IL6R: variants seen among roughly 807,000 people sequenced by gnomAD.
The protein encoded by IL6R is interleukin 6 receptor, also known as interleukin-6 receptor subunit alpha.
A neutral mutation model predicts 48.3 loss-of-function variants in IL6R; 38 were observed. The observed-to-expected ratio is 0.79, with a 90% CI of 0.61 to 1.03. IL6R has a LOEUF of 1.03. Ranked by LOEUF, IL6R falls within the 50% of genes least tolerant of loss-of-function variation. The pLI is 0.00. For synonymous variants in IL6R, 264 were observed against 256.2 expected, an observed-to-expected ratio of 1.03 and a Z score of -0.29; for missense variants, 534 against 618.3, an observed-to-expected ratio of 0.86 and a Z score of 1.45.
rs370879716 is a variant in IL6R, at chr1:154,419,277, T to C, written c.86-9919T>C. Reference sequence around the variant, plus strand: ...TAAGTGTCCCAGTTGCTAATGATTGTTATGGTTATTATCACATCAAAGCCA... The same window carrying C: ...TAAGTGTCCCAGTTGCTAATGATTGCTATGGTTATTATCACATCAAAGCCA... On this transcript the variant is annotated intron_variant, in intron 1 of 9. Transcript: ENST00000368485. Among the ~76,000 whole-genome samples, 200 of 152,248 alleles carry C rather than the reference T, an allele frequency of 1.3e-3. 2 individuals are homozygous for C. In the South Asian group the frequency reaches 0.014, roughly 11 times the overall value.
At chr1:154,461,748 C>T (rs549206668) in intron 9 of IL6R, among the ~76,000 whole-genome samples, 3 of 152,226 alleles carry the variant, frequency 2.0e-5, no homozygotes, top group African/African-American at 7.2e-5. Context: ...CTAGGTAATC[C>T]TCTGCCCACA....
chr1:154,443,256 G>A (rs914946150), intron 6 of IL6R, among the ~76,000 whole-genome samples: 3 of 152,190 alleles, frequency 2.0e-5, no homozygotes, highest in Non-Finnish European at 4.4e-5. Flanking sequence ...AGGACTGGGC[G>A]GTCAGTGCCT....
intron 8 of IL6R, among the ~76,000 whole-genome samples, chr1:154,451,151 A>T (rs1690557568): frequency 6.6e-6 from 1 of 152,220 alleles, no homozygotes; most frequent in Non-Finnish European, 1.5e-5. Context: ...CAGTCACAGA[A>T]AGCTCATGGA....
chr1:154,428,751 G>A (rs75204606), intron 1 of IL6R, among the ~76,000 whole-genome samples: 2,009 of 152,280 alleles, frequency 0.013, 54 homozygotes, highest in African/African-American at 0.046. Flanking sequence ...CGATGTTTAG[G>A]CCGAGACCTG....
Position 154,465,628 on chromosome 1 carries a change from T to C in IL6R, c.*248T>C. On this transcript the variant is annotated 3_prime_UTR_variant, in exon 10 of 10. Transcript: ENST00000368485. ...AGGGGCTAGAGTGAACTTGGGCCACTGTGAAGAGAACCATATCAAGACTCT... is the reference window on the plus strand; with the variant it reads ...AGGGGCTAGAGTGAACTTGGGCCACCGTGAAGAGAACCATATCAAGACTCT... The C allele has an allele frequency of 1.9e-6, 1 of 534,554 alleles. No homozygotes were observed. 33.1% of individuals were successfully genotyped at this position (534,554 alleles called of 1,614,324 possible). A position where few individuals can be genotyped will look rare whatever the true frequency, so the allele number is the denominator to read the frequency against.
intron 1 of IL6R, among the ~76,000 whole-genome samples, chr1:154,419,629 TGAG>T (rs969498041): frequency 6.6e-6 from 1 of 151,486 alleles, no homozygotes; most frequent in Non-Finnish European, 1.5e-5. Context: ...ACTGGGGTGG[TGAG>T]ATGGGATTAG....
At position 154,405,582 on chromosome 1, in the gene IL6R, A is replaced by G; in HGVS notation, c.-48A>G. The G allele has an allele frequency of 7.1e-7, 1 of 1,404,720 alleles. No homozygotes were observed. Among genetic ancestry groups the G allele is most frequent in the Non-Finnish European group, 9.4e-7 (1 of 1,062,996 alleles). 87.0% of individuals were successfully genotyped at this position (1,404,720 alleles called of 1,614,324 possible). On this transcript the variant is annotated 5_prime_UTR_variant, in exon 1 of 10. Coordinates refer to ENST00000368485, the MANE Select transcript of IL6R (RefSeq NM_000565.4). The surrounding 1 kb of genome is among the most constrained non-coding windows in gnomAD (Gnocchi z 5.2). The stretch of plus-strand genomic sequence containing the variant: ...CCACCCCTGCCGCCCGGTTCCCATT[A>G]GCCTGTCCGCCTCTGCGGGACCATG...
chr1:154,428,913 C>T (rs1053581778), intron 1 of IL6R, among the ~76,000 whole-genome samples: 1 of 152,154 alleles, frequency 6.6e-6, no homozygotes, highest in Non-Finnish European at 1.5e-5. Context: ...CGCTGAGGAG[C>T]TTGGACTTCA....
intron 4 of IL6R, 78 bp downstream of exon 4, chr1:154,434,778 C>T: frequency 2.1e-6 from 3 of 1,436,930 alleles, no homozygotes; most frequent in Non-Finnish European, 2.9e-6. Flanking sequence ...CTCAGAGTGG[C>T]AGGGAAGGGG....
At chr1:154,435,850 C>A in intron 5 of IL6R, 119 bp from the exon 6 acceptor site, 1 of 826,516 alleles carries the variant, frequency 1.2e-6, no homozygotes, top group South Asian at 2.0e-5. Flanking sequence ...GTTGTGGGAG[C>A]CTCTAGAGGC....
intron 3 of IL6R, among the ~76,000 whole-genome samples, chr1:154,430,817 A>T (rs1689256729): frequency 6.6e-6 from 1 of 152,034 alleles, no homozygotes; most frequent in Admixed American, 6.5e-5. Flanking sequence ...TGTCCTATTC[A>T]CTTGACCTTG....
At chr1:154,446,429 G>A (rs1220040297) in intron 6 of IL6R, among the ~76,000 whole-genome samples, 1 of 152,090 alleles carries the variant, frequency 6.6e-6, no homozygotes, top group Admixed American at 6.6e-5. Context: ...CCCTCTCCCC[G>A]CCTCCTTGCT....
At chr1:154,462,026 C>G (rs1010819586) in intron 9 of IL6R, among the ~76,000 whole-genome samples, 2 of 152,186 alleles carry the variant, frequency 1.3e-5, no homozygotes, top group Non-Finnish European at 2.9e-5. Context: ...ACAGAAACAA[C>G]GGGGATGCAG....
At chr1:154,454,689 T>A in intron 9 of IL6R, 108 bp downstream of exon 9, 3 of 779,628 alleles carry the variant, frequency 3.8e-6, no homozygotes, top group Non-Finnish European at 6.6e-6. Flanking sequence ...ATTTATCCAT[T>A]CATCAAATGA....
At chr1:154,438,956 G>A (rs1180796895) in intron 6 of IL6R, among the ~76,000 whole-genome samples, 2 of 152,112 alleles carry the variant, frequency 1.3e-5, no homozygotes, top group African/African-American at 4.8e-5. Flanking sequence ...TCTTACTTAG[G>A]GAGACCATTT....
At chr1:154,444,976 A>T in intron 6 of IL6R, 1 of 419,632 alleles carries the variant, frequency 2.4e-6, no homozygotes, top group South Asian at 1.7e-5. Flanking sequence ...CCTCAAAATG[A>T]GGGGCGCTTT....
At chr1:154,416,660 C>T (rs367671404) in intron 1 of IL6R, among the ~76,000 whole-genome samples, 6 of 151,718 alleles carry the variant, frequency 4.0e-5, no homozygotes, top group Admixed American at 2.0e-4. Flanking sequence ...CCAGTGTGTG[C>T]GTGCATGTGT....
chr1:154,456,338 T>C (rs1690888311), intron 9 of IL6R, among the ~76,000 whole-genome samples: 1 of 151,786 alleles, frequency 6.6e-6, no homozygotes, highest in African/African-American at 2.4e-5. Flanking sequence ...CCTGAGTAGC[T>C]GGGATTGCAG....
At chr1:154,441,792 G>A (rs1381944199) in intron 6 of IL6R, among the ~76,000 whole-genome samples, 2 of 152,146 alleles carry the variant, frequency 1.3e-5, no homozygotes, top group Non-Finnish European at 2.9e-5. Context: ...AGGTGTGGGA[G>A]TGGTGGCCTT....
Sources: gnomAD v4.1 joint callset for allele counts (sites outside exome capture counted in the v4.1 genomes callset) on GRCh38, gnomAD v4.1.1 for gene constraint, Gnocchi (gnomAD v3.1) non-coding constraint, MANE v1.5 for transcripts, NCBI Gene and HGNC (gene_info 2026-07-23, HGNC 2026-07-21) for gene names.